Variants in PDHA1 observed in about 807,000 individuals in gnomAD.
PDHA1 encodes pyruvate dehydrogenase E1 subunit alpha 1, also known as pyruvate dehydrogenase E1 component subunit alpha, somatic form, mitochondrial.
In PDHA1, 1 loss-of-function variant was observed where a neutral mutation model predicts 33.0. That is an observed-to-expected ratio of 0.03 (90% confidence interval 0.01 to 0.14). The LOEUF is 0.14. Ranked by LOEUF, PDHA1 falls within the 10% of genes least tolerant of loss-of-function variation. PDHA1 has a pLI of 1.00. For synonymous variants in PDHA1, 123 were observed against 119.2 expected (o/e 1.03, Z -0.21); for missense variants, 168 against 325.1 (o/e 0.52, Z 3.72).
At chrX:19,344,550 G>C (rs904818648) in intron 1 of PDHA1, among the ~76,000 whole-genome samples, 12 of 113,457 alleles carry the variant, frequency 1.1e-4, no homozygotes, top group African/African-American at 3.8e-4. Context: ...CCATTGACTA[G>C]CCCTGTGACC....
At chrX:19,353,884 C>T (rs777034739) in intron 5 of PDHA1, among the ~76,000 whole-genome samples, 3 of 111,246 alleles carry the variant, frequency 2.7e-5, no homozygotes, top group South Asian at 7.5e-4. Flanking sequence ...AAATTATATC[C>T]GGACTGTTTC....
Position 19,358,969 on chromosome X carries a change from T to A in PDHA1, c.953T>A (p.Met318Lys), listed in dbSNP as rs1291435039. The A allele has an allele frequency of 2.5e-6, 3 of 1,199,038 alleles. No homozygotes were observed. The African/African-American group carries it at 5.3e-5, about 21-fold the overall frequency. The change falls in exon 10 of 11, where the codon ATG becomes AAG. Residue 318 changes from methionine to lysine, a missense_variant. By Grantham distance (95) the Met-to-Lys change is moderately conservative. Around this residue, in one of 5 missense-constraint regions of PDHA1, gnomAD observed 58 missense variants for 63.4 expected, o/e 0.92. Coordinates refer to ENST00000422285, the MANE Select transcript of PDHA1 (RefSeq NM_000284.4). ...QEVRSKSDPIMLLKDRMVNSN... is the reference protein window; with the variant it reads ...QEVRSKSDPIKLLKDRMVNSN... ...GTAAGAAGTAAGAGTGACCCTATTATGCTTCTCAAGGACAGGATGGTGAAC... is the reference window on the plus strand; with the variant it reads ...GTAAGAAGTAAGAGTGACCCTATTAAGCTTCTCAAGGACAGGATGGTGAAC...
chrX:19,349,391 GT>G lies in PDHA1; in HGVS notation c.117+22del, dbSNP rs1569189888. On this transcript the variant is annotated intron_variant, in intron 2 of 10. Transcript: ENST00000422285. ...ATTAAGGTAAGAGGTGTTTTACTTT[GT>G]TAATAATTTTTTCACAGGTACACTC... is the stretch of plus-strand genomic sequence containing the variant. The G allele has an allele frequency of 9.8e-7, 1 of 1,021,943 alleles. No individual in the cohort carries two copies. The highest frequency in any genetic ancestry group is 1.9e-5 in the South Asian group (1 of 52,642). The allele number at this position is 1,021,943 out of a possible 1,213,427, so 84.2% of individuals were successfully genotyped here.
intron 4 of PDHA1, among the ~76,000 whole-genome samples, chrX:19,352,565 T>A (rs2063171044): frequency 8.9e-6 from 1 of 112,729 alleles, no homozygotes; most frequent in South Asian, 3.6e-4. Context: ...TGGTTGTCCC[T>A]CTATATATCC....
intron 9 of PDHA1, among the ~76,000 whole-genome samples, chrX:19,358,475 C>T (rs772668795): frequency 2.0e-4 from 22 of 111,755 alleles, no homozygotes; most frequent in African/African-American, 5.2e-4. Context: ...TCCTGCTTGG[C>T]GCTCTGATGT....
chrX:19,346,909 C>T (rs1049753838), intron 1 of PDHA1, among the ~76,000 whole-genome samples: 5 of 111,443 alleles, frequency 4.5e-5, no homozygotes, highest in East Asian at 5.6e-4. Flanking sequence ...ATTTTTGAAA[C>T]GTTTTTCCTC....
rs11278403 is a variant in PDHA1, at chrX:19,355,529, GGGCCAAGGCCAA to G, written c.759+34_759+45del. On this transcript the variant is annotated intron_variant, in intron 7 of 10. Transcript: ENST00000422285. ...AGTAAGGACACCTGTGGTGGGGCCG[GGGCCAAGGCCAA>G]GGCCAAGGGTATGTCCTTGTGCAGA... 46 of 1,204,872 alleles carry G rather than the reference GGGCCAAGGCCAA, an allele frequency of 3.8e-5. No individual in the cohort carries two copies. The Admixed American group carries it at 8.1e-4, about 21-fold the overall frequency.
chrX:19,357,488 G>T, intron 8 of PDHA1, 164 bp from the exon 9 acceptor site: 1 of 543,658 alleles, frequency 1.8e-6, no homozygotes, highest in Non-Finnish European at 3.4e-6. Context: ...TGCTAGAAAT[G>T]AGAACAGATC....
Position 19,359,557 on chromosome X carries a change from A to G in PDHA1, c.1077A>G (p.Pro359=). The G allele has an allele frequency of 1.7e-6, 2 of 1,210,661 alleles. No homozygotes were observed. The highest frequency in any genetic ancestry group is 2.2e-6 in the Non-Finnish European group (2 of 894,461). ...AGTTTGCCACGGCCGATCCTGAGCC[A>G]CCTTTGGAAGAGCTGGGCTACCACA... The part of the protein sequence containing the change: ...AAQFATADPE[P]PLEELGYHIY... Residue 359 remains proline (P), a synonymous_variant, in exon 11 of 11, where the codon CCA becomes CCG. Coordinates refer to ENST00000422285, the MANE Select transcript of PDHA1 (RefSeq NM_000284.4).
chrX:19,357,413 T>TCAAAA (rs1218670072), intron 8 of PDHA1: 3 of 408,569 alleles, frequency 7.3e-6, no homozygotes, highest in Non-Finnish European at 1.3e-5. Context: ...CCTTTTTGAT[T>TCAAAA]CAAAACAAGC....
rs974885468 is a variant in PDHA1 at position 19,360,307 on chromosome X, T to G, written c.*654T>G. The stretch of plus-strand genomic sequence containing the variant: ...TTCTGAGGCAGTGTCCCAGCTTCCA[T>G]GTTTGTTAAATACCCCTTGTTTGTT... On this transcript the variant is annotated 3_prime_UTR_variant, in exon 11 of 11. Transcript: ENST00000422285. 1 of 143,094 alleles carries G rather than the reference T, an allele frequency of 7.0e-6. No homozygotes were observed. Among genetic ancestry groups the G allele is most frequent in the African/African-American group, 3.2e-5 (1 of 31,247 alleles). The allele number at this position is 143,094 out of a possible 1,213,427, so 11.8% of individuals were successfully genotyped here.
intron 8 of PDHA1, 96 bp downstream of exon 8, chrX:19,355,853 C>G: frequency 1.6e-6 from 1 of 638,452 alleles, no homozygotes; most frequent in South Asian, 2.3e-5. Flanking sequence ...TGGGTACCTG[C>G]TAATTGAGGT....
rs1019221074 is a variant in PDHA1 at position 19,359,884 on chromosome X, C to A, written c.*231C>A. 3 of 420,160 alleles carry A rather than the reference C, an allele frequency of 7.1e-6. No individual in the cohort carries two copies. The African/African-American group carries it at 7.5e-5, about 10-fold the overall frequency. The allele number at this position is 420,160 out of a possible 1,213,427, so 34.6% of individuals were successfully genotyped here. A position where few individuals can be genotyped will look rare whatever the true frequency, so the allele number is the denominator to read the frequency against. ...TTGACTTAAAATAGTATACTTTGAA[C>A]AAATACTCTAATTATGAAAAGGAAG... On this transcript the variant is annotated 3_prime_UTR_variant, in exon 11 of 11. Coordinates refer to ENST00000422285, the MANE Select transcript of PDHA1 (RefSeq NM_000284.4).
chrX:19,347,606 T>C (rs774268590), intron 1 of PDHA1, among the ~76,000 whole-genome samples: 1 of 112,715 alleles, frequency 8.9e-6, no homozygotes, highest in Admixed American at 9.4e-5. Flanking sequence ...TCTGTTACTG[T>C]CGCCTGGCTG....
intron 1 of PDHA1, among the ~76,000 whole-genome samples, chrX:19,346,260 C>T (rs1485753848): frequency 2.7e-5 from 3 of 111,627 alleles, no homozygotes; most frequent in Non-Finnish European, 3.8e-5. Flanking sequence ...GGCTGTGACA[C>T]AAGATAATCC....
At chrX:19,348,837 G>A (rs912881807) in intron 1 of PDHA1, among the ~76,000 whole-genome samples, 4 of 111,592 alleles carry the variant, frequency 3.6e-5, no homozygotes, top group African/African-American at 9.8e-5. Context: ...CCAGCTACTC[G>A]GGAGACTGAG....
chrX:19,352,350 T>C (rs1169694480), intron 4 of PDHA1, among the ~76,000 whole-genome samples: 1 of 109,207 alleles, frequency 9.2e-6, no homozygotes, highest in African/African-American at 3.3e-5. Flanking sequence ...TTCTCCTGCC[T>C]CAGCCTCCTG....
In PDHA1 at chrX:19,360,665, G is replaced by T; in HGVS notation, c.*1012G>T. 2 of 704,385 alleles carry T rather than the reference G, an allele frequency of 2.8e-6. No homozygotes were observed. Among genetic ancestry groups the T allele is most frequent in the Non-Finnish European group, 4.4e-6 (2 of 452,015 alleles). The allele number at this position is 704,385 out of a possible 1,213,427, so 58.0% of individuals were successfully genotyped here. A position where few individuals can be genotyped will look rare whatever the true frequency, so the allele number is the denominator to read the frequency against. On this transcript the variant is annotated 3_prime_UTR_variant, in exon 11 of 11. Transcript: ENST00000422285. ...TGGCATTTTTAAATATGTAAACACA[G>T]CGGAATTCGTGTATACACTAACAGA... is the stretch of plus-strand genomic sequence containing the variant.
At position 19,359,775 on chromosome X, in the gene PDHA1, G is replaced by GTGTAGAT. The variant is rs2063253593; in HGVS notation, c.*125_*131dup. 1.6e-6 allele frequency: 1 copy of GTGTAGAT among 629,996 alleles called. No individual in the cohort carries two copies. The highest frequency in any genetic ancestry group is 2.6e-6 in the Non-Finnish European group (1 of 389,301). 51.9% of individuals were successfully genotyped at this position (629,996 alleles called of 1,213,427 possible). A position where few individuals can be genotyped will look rare whatever the true frequency, so the allele number is the denominator to read the frequency against. On this transcript the variant is annotated 3_prime_UTR_variant, in exon 11 of 11. Coordinates refer to ENST00000422285, the MANE Select transcript of PDHA1 (RefSeq NM_000284.4). ...AAATTCTTGGAAACTTCCATTAAGT[G>GTGTAGAT]TGTAGATTGAGCAGGTAGTAATTGC...
Sources: allele counts gnomAD v4.1 joint callset (sites outside exome capture counted in the v4.1 genomes callset), GRCh38; gene constraint gnomAD v4.1.1; regional missense constraint gnomAD v4.1.1; transcripts MANE v1.5; gene names NCBI Gene and HGNC (gene_info 2026-07-23, HGNC 2026-07-21).